COL13A1: variants seen among roughly 807,000 people sequenced by gnomAD.
COL13A1 encodes the protein collagen type XIII alpha 1 chain.
In COL13A1, 89 loss-of-function variants were observed where a neutral mutation model predicts 130.9. The ratio of observed to expected loss-of-function variants is 0.68; its 90% CI spans 0.57 to 0.81. The LOEUF is 0.81. Among genes scored for constraint, COL13A1 ranks in the 30% least tolerant of loss-of-function variants. COL13A1 has a pLI of 0.00. For missense variants in COL13A1, 879 were observed against 934.6 expected (o/e 0.94, Z 0.78); for synonymous variants, 402 against 341.6 (o/e 1.18, Z -1.95).
rs1840214448 is a variant in COL13A1 at position 69,802,323 on chromosome 10, C to T, written c.-101C>T. On this transcript the variant is annotated 5_prime_UTR_variant, in exon 1 of 41. Coordinates refer to ENST00000645393, the MANE Select transcript of COL13A1 (RefSeq NM_001368882.1). ...AAGGGACGTTTTCCAGCGATACAAG[C>T]CCTTTCCCCCTGCCCCGCAGTTTGG... 7.9e-7 allele frequency: 1 copy of T among 1,267,802 alleles called. No homozygotes were observed. Among genetic ancestry groups the T allele is most frequent in the African/African-American group, 1.6e-5 (1 of 63,202 alleles). The allele number at this position is 1,267,802 out of a possible 1,614,324, so 78.5% of individuals were successfully genotyped here.
At chr10:69,824,567 G>A (rs895195984) in intron 2 of COL13A1, among the ~76,000 whole-genome samples, 2 of 152,186 alleles carry the variant, frequency 1.3e-5, no homozygotes, top group African/African-American at 2.4e-5. Flanking sequence ...CTGGGAGTCT[G>A]TGTGGAACCC....
At chr10:69,811,233 C>T (rs905637018) in intron 1 of COL13A1, among the ~76,000 whole-genome samples, 5 of 152,304 alleles carry the variant, frequency 3.3e-5, no homozygotes, top group East Asian at 1.9e-4. Context: ...TCAGGCGCTT[C>T]GGTTTTTTAT....
chr10:69,947,034 C>T (rs948673975), intron 37 of COL13A1, among the ~76,000 whole-genome samples: 4 of 152,198 alleles, frequency 2.6e-5, no homozygotes, highest in African/African-American at 7.2e-5. Context: ...GTGATCCGCC[C>T]ACCTCGGCCT....
chr10:69,957,466 G>C (rs1426454330), intron 40 of COL13A1, among the ~76,000 whole-genome samples: 1 of 152,162 alleles, frequency 6.6e-6, no homozygotes, highest in Non-Finnish European at 1.5e-5. Context: ...GCCTCCCCTA[G>C]GGGCTGTGCT....
chr10:69,952,972 T>C lies in COL13A1; in HGVS notation c.2145+4T>C, dbSNP rs1350571712. On this transcript the variant is annotated splice_donor_region_variant and intron_variant, in intron 39 of 40. Coordinates refer to ENST00000645393, the MANE Select transcript of COL13A1 (RefSeq NM_001368882.1). ...ATTAGATGCCCCCTGCCCATTGGTA[T>C]GTTTTTGTTTATCACTTGCATTGTT... 2 of 1,518,944 alleles carry C rather than the reference T, an allele frequency of 1.3e-6. No homozygotes were observed. Among genetic ancestry groups the C allele is most frequent in the East Asian group, 5.1e-5 (2 of 39,036 alleles). 94.1% of individuals were successfully genotyped at this position (1,518,944 alleles called of 1,614,324 possible). A position where few individuals can be genotyped will look rare whatever the true frequency, so the allele number is the denominator to read the frequency against.
At chr10:69,917,210 A>T (rs2064028674) in intron 17 of COL13A1, 79 bp from the exon 18 acceptor site, 2 of 1,572,324 alleles carry the variant, frequency 1.3e-6, no homozygotes, top group Non-Finnish European at 1.7e-6. Flanking sequence ...TCCAGACAAG[A>T]CATTCTCACC....
chr10:69,848,794 C>T lies in COL13A1; in HGVS notation c.365-19004C>T, dbSNP rs139712074. On this transcript the variant is annotated intron_variant, in intron 2 of 40. Coordinates refer to ENST00000645393, the MANE Select transcript of COL13A1 (RefSeq NM_001368882.1). The stretch of plus-strand genomic sequence containing the variant: ...TCCCCACAGAAGAGCCAGCTGGTGC[C>T]AAGGGGGTCACTTAAGGACAAGTGA... Among the ~76,000 whole-genome samples the T allele has an allele frequency of 7.3e-3, 1,111 of 152,262 alleles. 9 individuals carry two copies. Among genetic ancestry groups the T allele is most frequent in the South Asian group, 0.034 (162 of 4,814 alleles).
intron 1 of COL13A1, among the ~76,000 whole-genome samples, chr10:69,818,965 C>T (rs1044335882): frequency 3.9e-5 from 6 of 152,202 alleles, no homozygotes; most frequent in South Asian, 2.1e-4. Flanking sequence ...CTCCCACTCC[C>T]GACTCAACAC....
chr10:69,830,225 G>A (rs1171972029), intron 2 of COL13A1, among the ~76,000 whole-genome samples: 1 of 152,194 alleles, frequency 6.6e-6, no homozygotes, highest in Non-Finnish European at 1.5e-5. Flanking sequence ...TCCCTTCCTA[G>A]GCACTTCTGA....
chr10:69,897,506 G>A (rs918406860), intron 13 of COL13A1: 19 of 1,613,802 alleles, frequency 1.2e-5, no homozygotes, highest in African/African-American at 9.3e-5. Context: ...GCAGCTCTGC[G>A]CTCCAGCCAA....
intron 2 of COL13A1, among the ~76,000 whole-genome samples, chr10:69,861,890 G>A (rs146273302): frequency 6.6e-6 from 1 of 152,212 alleles, no homozygotes; most frequent in Admixed American, 6.5e-5. Flanking sequence ...GGCTGGAAAG[G>A]TCTGGGGGTG....
intron 2 of COL13A1, among the ~76,000 whole-genome samples, chr10:69,849,184 C>T (rs1250500736): frequency 6.6e-6 from 1 of 152,242 alleles, no homozygotes; most frequent in Non-Finnish European, 1.5e-5. Flanking sequence ...TGACCCTAAA[C>T]TGGTAGAAGG....
chr10:69,949,930 TTGTGTG>T (rs375171960), intron 38 of COL13A1, among the ~76,000 whole-genome samples: 3 of 86,924 alleles, frequency 3.5e-5, no homozygotes, highest in African/African-American at 4.4e-5. Context: ...GCACGCATGT[TTGTGTG>T]TGTGTGTGTG....
intron 2 of COL13A1, among the ~76,000 whole-genome samples, chr10:69,834,837 A>G (rs559385696): frequency 1.7e-4 from 26 of 152,182 alleles, no homozygotes; most frequent in Non-Finnish European, 2.6e-4. Flanking sequence ...GCCCTGGAAC[A>G]GTTCGTCCAG....
intron 15 of COL13A1, among the ~76,000 whole-genome samples, chr10:69,903,375 G>A (rs761826327): frequency 6.6e-6 from 1 of 152,216 alleles, no homozygotes; most frequent in Non-Finnish European, 1.5e-5. Context: ...AGCCTGCGGG[G>A]CCTGCAGGGT....
At chr10:69,936,417 C>T (rs1184040397) in intron 32 of COL13A1, among the ~76,000 whole-genome samples, 3 of 152,174 alleles carry the variant, frequency 2.0e-5, no homozygotes, top group African/African-American at 7.2e-5. Flanking sequence ...TTTATTGAAA[C>T]TTATTGGATG....
chr10:69,835,736 T>C (rs974400859), intron 2 of COL13A1, among the ~76,000 whole-genome samples: 4 of 152,202 alleles, frequency 2.6e-5, no homozygotes, highest in Admixed American at 1.3e-4. Flanking sequence ...AGTGCTACCC[T>C]GGAGCACAGT....
rs553848212 is a variant in COL13A1, at chr10:69,863,369, C to T, written c.365-4429C>T. ...AGTCACCCAAGGTCTGAGGGGAGCC[C>T]GTGATGCACAGCACCTGTCCTGGCA... On this transcript the variant is annotated intron_variant, in intron 2 of 40. Transcript: ENST00000645393. 2.1e-4 allele frequency among the ~76,000 whole-genome samples: 32 copies of T among 152,280 alleles called. 1 individual carries two copies. In the East Asian group the frequency reaches 4.8e-3, roughly 23 times the overall value.
chr10:69,909,333 C>T (rs984729338), intron 17 of COL13A1, among the ~76,000 whole-genome samples: 12 of 152,208 alleles, frequency 7.9e-5, no homozygotes, highest in African/African-American at 2.4e-4. Context: ...TGCTCTTCTC[C>T]GGTAGCCTCT....
Sources: gnomAD v4.1 joint callset for allele counts (sites outside exome capture counted in the v4.1 genomes callset) on GRCh38, gnomAD v4.1.1 for gene constraint, MANE v1.5 for transcripts, NCBI Gene and HGNC (gene_info 2026-07-23, HGNC 2026-07-21) for gene names.